DGKB: variants seen among roughly 807,000 people sequenced by gnomAD.
DGKB encodes the protein 90 kDa diacylglycerol kinase.
In DGKB, 67 loss-of-function variants were observed where a neutral mutation model predicts 114.3. That is an observed-to-expected ratio of 0.59 (90% CI 0.48 to 0.72). The LOEUF is 0.72. Among genes scored for constraint, DGKB ranks in the 30% least tolerant of loss-of-function variants. The pLI is 0.00. For missense variants in DGKB, 907 were observed against 975.2 expected (o/e 0.93, Z 0.93); for synonymous variants, 398 against 323.1 (o/e 1.23, Z -2.49).
At chr7:14,813,636 A>G (rs988345399) in intron 2 of DGKB, among the ~76,000 whole-genome samples, 1 of 152,202 alleles carries the variant, frequency 6.6e-6, no homozygotes, top group African/African-American at 2.4e-5. Context: ...ATGCCATTTA[A>G]TAGAAAAATT....
In DGKB at chr7:14,228,199, G is replaced by A. The variant is rs183183716; in HGVS notation, c.2123-50048C>T. ...TTTATTTTATTTTTACAACTGGTGC[G>A]TGTTAGGTTTGTAGAACACAGGGTA... is the stretch of plus-strand genomic sequence containing the variant. On this transcript the variant is annotated intron_variant, in intron 23 of 25. Transcript: ENST00000402815. 7.2e-5 allele frequency among the ~76,000 whole-genome samples: 11 copies of A among 151,940 alleles called. 1 individual carries two copies. The highest frequency in any genetic ancestry group is 2.2e-4 in the African/African-American group (9 of 41,468).
intron 20 of DGKB, among the ~76,000 whole-genome samples, chr7:14,502,910 C>G (rs34250609): frequency 6.6e-6 from 1 of 152,024 alleles, no homozygotes; most frequent in Admixed American, 6.6e-5. Context: ...CTCCTCTCAT[C>G]TTCAACACTT....
intron 5 of DGKB, among the ~76,000 whole-genome samples, chr7:14,723,570 T>C (rs1371885105): frequency 6.8e-6 from 1 of 146,514 alleles, no homozygotes; most frequent in Non-Finnish European, 1.5e-5. Flanking sequence ...TGTATATATA[T>C]GTGTGTGTGT....
chr7:14,604,581 G>A (rs1241049528), intron 17 of DGKB, among the ~76,000 whole-genome samples: 1 of 152,082 alleles, frequency 6.6e-6, no homozygotes. Flanking sequence ...TAATAAACTA[G>A]AAATGGTGAT....
chr7:14,746,988 C>T (rs748276212), intron 4 of DGKB, among the ~76,000 whole-genome samples: 4 of 151,926 alleles, frequency 2.6e-5, no homozygotes, highest in Non-Finnish European at 4.4e-5. Context: ...AAGCCTATTA[C>T]AGATATAAGA....
At chr7:14,445,301 A>C (rs2128821796) in intron 21 of DGKB, among the ~76,000 whole-genome samples, 1 of 151,990 alleles carries the variant, frequency 6.6e-6, no homozygotes, top group Admixed American at 6.6e-5. Context: ...TATATATTTT[A>C]AATATATAAT....
rs150855333 is a variant in DGKB, at chr7:14,834,919, T to G, written c.70+6275A>C. On this transcript the variant is annotated intron_variant, in intron 2 of 25. Transcript: ENST00000402815. ...GTTTAGACGTTCATAGTTACTTTTT[T>G]CTTTTACTATTGCAAAACTTAGGTA... is the stretch of plus-strand genomic sequence containing the variant. Among the ~76,000 whole-genome samples, 13 of 152,278 alleles carry G rather than the reference T, an allele frequency of 8.5e-5. No homozygotes were observed. In the East Asian group the frequency reaches 2.5e-3, roughly 29 times the overall value.
At chr7:14,816,585 T>C (rs1844186280) in intron 2 of DGKB, 1 of 152,238 alleles carries the variant, frequency 6.6e-6, no homozygotes, top group Non-Finnish European at 1.5e-5. Flanking sequence ...CACTTCTGAC[T>C]GCATGTTATA....
At chr7:14,516,347 C>G (rs1310275710) in intron 20 of DGKB, among the ~76,000 whole-genome samples, 1 of 152,106 alleles carries the variant, frequency 6.6e-6, no homozygotes, top group African/African-American at 2.4e-5. Context: ...TCTCCCAGTG[C>G]CATTTGTAAC....
intron 1 of DGKB, among the ~76,000 whole-genome samples, chr7:14,931,418 G>T (rs182348597): frequency 1.5e-3 from 230 of 152,248 alleles, no homozygotes; most frequent in Middle Eastern, 3.4e-3. Context: ...CAGTTTGCTA[G>T]TATTTTAAAA....
At chr7:14,878,867 A>AGTGATGTGAGT (rs2128209747) in intron 1 of DGKB, among the ~76,000 whole-genome samples, 19 of 149,492 alleles carry the variant, frequency 1.3e-4, no homozygotes, top group African/African-American at 4.9e-4. Flanking sequence ...TATTGAATCC[A>AGTGATGTGAGT]TTGCAAATCT....
chr7:14,270,158 A>T (rs1477154039), intron 23 of DGKB, among the ~76,000 whole-genome samples: 1 of 152,006 alleles, frequency 6.6e-6, no homozygotes, highest in Non-Finnish European at 1.5e-5. Flanking sequence ...ACAGAAAAGT[A>T]AAATTGTCAA....
chr7:14,545,511 C>T (rs970650609), intron 20 of DGKB, among the ~76,000 whole-genome samples: 4 of 152,244 alleles, frequency 2.6e-5, no homozygotes, highest in Admixed American at 6.5e-5. Flanking sequence ...ACATGTATTA[C>T]GAGATGTCTA....
At chr7:14,868,141 C>G (rs1303889739) in intron 1 of DGKB, among the ~76,000 whole-genome samples, 1 of 151,930 alleles carries the variant, frequency 6.6e-6, no homozygotes, top group Admixed American at 6.6e-5. Context: ...CTGATGTAAC[C>G]AAGAACCCTC....
chr7:14,845,136 AAAAG>A (rs1848472755), intron 1 of DGKB, among the ~76,000 whole-genome samples: 2 of 129,690 alleles, frequency 1.5e-5, no homozygotes, highest in East Asian at 2.2e-4. Context: ...AAAAAAAAAA[AAAAG>A]AAAGAAAGAA....
rs545505160 is a variant in DGKB at position 14,689,258 on chromosome 7, G to T, written c.712-3896C>A. Among the ~76,000 whole-genome samples, 227 of 131,496 alleles carry T rather than the reference G, an allele frequency of 1.7e-3. 1 individual carries two copies. In the Middle Eastern group the frequency reaches 0.021, roughly 12 times the overall value. 86.3% of individuals were successfully genotyped at this position (131,496 alleles called of 152,430 possible). On this transcript the variant is annotated intron_variant, in intron 9 of 25. Coordinates refer to ENST00000402815, the MANE Select transcript of DGKB (RefSeq NM_001350709.2). The stretch of plus-strand genomic sequence containing the variant: ...TCTCGCTCTGTCGCCCAGGCTGGAG[G>T]GCAGTGGCGCGATCTCGGCTCACTG...
rs1794346600 is a variant in DGKB, at chr7:14,245,558, G to T, written c.2123-67407C>A. Among the ~76,000 whole-genome samples, 3 of 152,226 alleles carry T rather than the reference G, an allele frequency of 2.0e-5. No individual in the cohort carries two copies. In the South Asian group the frequency reaches 6.2e-4, roughly 32 times the overall value. ...CTTGGCAAGACTAATGGTATAATGG[G>T]TAAGAGTGCTTCAGGCTATTTTAAT... On this transcript the variant is annotated intron_variant, in intron 23 of 25. Transcript: ENST00000402815.
intron 23 of DGKB, among the ~76,000 whole-genome samples, chr7:14,262,459 G>C (rs1196325606): frequency 1.3e-5 from 2 of 152,178 alleles, no homozygotes; most frequent in East Asian, 3.9e-4. Flanking sequence ...GTGAGAGTGA[G>C]AGCACAGGTC....
intron 1 of DGKB, among the ~76,000 whole-genome samples, chr7:14,952,293 C>A (rs541044989): frequency 6.6e-6 from 1 of 151,944 alleles, no homozygotes; most frequent in African/African-American, 2.4e-5. Flanking sequence ...GACTATAAAT[C>A]TCTGTTGCCC....
Sources: allele counts gnomAD v4.1 joint callset (sites outside exome capture counted in the v4.1 genomes callset), GRCh38; gene constraint gnomAD v4.1.1; transcripts MANE v1.5; gene names NCBI Gene and HGNC (gene_info 2026-07-23, HGNC 2026-07-21).